SLX4IP: variants seen among roughly 807,000 people sequenced by gnomAD.
SLX4IP encodes protein SLX4IP.
SLX4IP carries 34 observed loss-of-function variants against 32.9 expected under a neutral mutation model. The observed-to-expected ratio is 1.03, with a 90% CI of 0.79 to 1.38. The LOEUF (loss-of-function observed/expected upper bound fraction) is 1.38. Ranked by LOEUF, SLX4IP falls within the 40% of genes most tolerant of loss-of-function variation. SLX4IP has a pLI of 0.00. For synonymous variants in SLX4IP, 172 were observed against 171.7 expected, an observed-to-expected ratio of 1.00 and a Z score of -0.01; for missense variants, 444 against 479.0, an observed-to-expected ratio of 0.93 and a Z score of 0.68.
At chr20:10,568,630 T>G (rs965141675) in intron 4 of SLX4IP, among the ~76,000 whole-genome samples, 14 of 152,254 alleles carry the variant, frequency 9.2e-5, no homozygotes, top group Non-Finnish European at 1.3e-4. Context: ...GCGGCAGATC[T>G]CTTTGATCTC....
intron 6 of SLX4IP, among the ~76,000 whole-genome samples, chr20:10,607,118 G>A (rs1413359102): frequency 6.6e-6 from 1 of 152,096 alleles, no homozygotes; most frequent in East Asian, 1.9e-4. Context: ...TTTTTATTCC[G>A]TGTAGTGACC....
chr20:10,498,457 C>A (rs1248088641), intron 2 of SLX4IP, among the ~76,000 whole-genome samples: 1 of 151,982 alleles, frequency 6.6e-6, no homozygotes, highest in Non-Finnish European at 1.5e-5. Flanking sequence ...CTCCTGTGCC[C>A]CTGCCAGTTC....
chr20:10,607,537 A>C (rs1294703068), intron 6 of SLX4IP, among the ~76,000 whole-genome samples: 1 of 152,098 alleles, frequency 6.6e-6, no homozygotes, highest in Non-Finnish European at 1.5e-5. Context: ...TCCCTTTCCA[A>C]TCAGTTAAGG....
intron 2 of SLX4IP, among the ~76,000 whole-genome samples, chr20:10,477,292 T>C (rs2122374511): frequency 6.6e-6 from 1 of 152,208 alleles, no homozygotes; most frequent in South Asian, 2.1e-4. Flanking sequence ...GTTACAGGTA[T>C]GCACCACCAC....
intron 5 of SLX4IP, among the ~76,000 whole-genome samples, chr20:10,599,886 G>A (rs138457651): frequency 2.6e-5 from 4 of 152,244 alleles, no homozygotes; most frequent in African/African-American, 7.2e-5. Context: ...GTTGCTTTCT[G>A]TTAATACCTG....
chr20:10,621,380 A>T lies in SLX4IP; in HGVS notation c.472A>T (p.Ser158Cys). ...AECAESSLPP[S>C]AKLRRNALKE... ...GTGTGCAGAGAGTTCACTTCCTCCC[A>T]GTGCAAAGCTCCGGAGAAATGCTCT... is the stretch of plus-strand genomic sequence containing the variant. The change falls in exon 7 of 8, where the codon AGT becomes TGT. Residue 158 changes from serine (S) to cysteine (C), a missense_variant. Transcript: ENST00000334534. 6.2e-7 allele frequency: 1 copy of T among 1,614,210 alleles called. No homozygotes were observed. The highest frequency in any genetic ancestry group is 8.5e-7 in the Non-Finnish European group (1 of 1,180,032).
intron 6 of SLX4IP, among the ~76,000 whole-genome samples, chr20:10,610,843 T>C (rs537747288): frequency 1.6e-4 from 25 of 152,348 alleles, no homozygotes; most frequent in Admixed American, 8.5e-4. Context: ...TTTGCCCTTT[T>C]TACTTAGTTA....
intron 2 of SLX4IP, among the ~76,000 whole-genome samples, chr20:10,527,880 A>C (rs2065952514): frequency 6.6e-6 from 1 of 152,070 alleles, no homozygotes; most frequent in African/African-American, 2.4e-5. Flanking sequence ...ACTCCTTTTC[A>C]TTTGCATTCC....
At chr20:10,438,432 C>T (rs1309058447) in intron 1 of SLX4IP, among the ~76,000 whole-genome samples, 1 of 150,552 alleles carries the variant, frequency 6.6e-6, no homozygotes, top group East Asian at 1.9e-4. Context: ...TCTGATCTAT[C>T]GCTGTAGATA....
At chr20:10,536,164 A>G (rs1394906117) in intron 2 of SLX4IP, among the ~76,000 whole-genome samples, 1 of 152,248 alleles carries the variant, frequency 6.6e-6, no homozygotes, top group South Asian at 2.1e-4. Context: ...TCTTTAACAC[A>G]CCTTCTTGTT....
chr20:10,521,406 CCT>C lies in SLX4IP; in HGVS notation c.28-34820_28-34819del, dbSNP rs538061020. 3.3e-5 allele frequency among the ~76,000 whole-genome samples: 5 copies of C among 152,262 alleles called. No homozygotes were observed. The East Asian group carries it at 9.7e-4, about 29-fold the overall frequency. ...GCTCTTCTTTTAGGAGCTCCCATCA[CCT>C]CTCTTCTCTCTACGTGGGTTCCTGT... On this transcript the variant is annotated intron_variant, in intron 2 of 7. Transcript: ENST00000334534.
chr20:10,567,326 A>G (rs189311663), intron 4 of SLX4IP, among the ~76,000 whole-genome samples: 41 of 152,330 alleles, frequency 2.7e-4, no homozygotes, highest in Non-Finnish European at 5.1e-4. Context: ...AGGTGGGGAA[A>G]GTATTTGCAT....
intron 2 of SLX4IP, among the ~76,000 whole-genome samples, chr20:10,466,862 AAAAAG>A (rs1425832379): frequency 6.6e-6 from 1 of 151,886 alleles, no homozygotes; most frequent in Non-Finnish European, 1.5e-5. Context: ...TTATTAAAAA[AAAAAG>A]AACTCCCTGC....
intron 2 of SLX4IP, among the ~76,000 whole-genome samples, chr20:10,509,206 G>A (rs2065784806): frequency 6.6e-6 from 1 of 152,158 alleles, no homozygotes; most frequent in African/African-American, 2.4e-5. Context: ...CAGCATTAGG[G>A]TACTCTGACT....
At chr20:10,530,188 C>T (rs2065976783) in intron 2 of SLX4IP, among the ~76,000 whole-genome samples, 1 of 152,204 alleles carries the variant, frequency 6.6e-6, no homozygotes, top group African/African-American at 2.4e-5. Context: ...GCGGTGCAGT[C>T]TCAGACGTAC....
intron 1 of SLX4IP, among the ~76,000 whole-genome samples, chr20:10,451,993 A>G (rs2065245990): frequency 6.6e-6 from 1 of 152,156 alleles, no homozygotes; most frequent in Non-Finnish European, 1.5e-5. Context: ...AATAAAATAG[A>G]TTATTCAAAT....
intron 2 of SLX4IP, among the ~76,000 whole-genome samples, chr20:10,490,749 G>A (rs1006590973): frequency 6.6e-6 from 1 of 152,084 alleles, no homozygotes; most frequent in African/African-American, 2.4e-5. Context: ...GACTTACAGT[G>A]TTTTTTTCAC....
rs1852247366 is a variant in SLX4IP at position 10,623,980 on chromosome 20, A to G, written c.*601A>G. Reference sequence around the variant, plus strand: ...CGCGTTTGAGAACCACTGGACTAATAGAACACTCCCCAGTGCTTCCTGCAG... The same window carrying G: ...CGCGTTTGAGAACCACTGGACTAATGGAACACTCCCCAGTGCTTCCTGCAG... On this transcript the variant is annotated 3_prime_UTR_variant, in exon 8 of 8. Coordinates refer to ENST00000334534, the MANE Select transcript of SLX4IP (RefSeq NM_001009608.3). 6.5e-6 allele frequency: 1 copy of G among 153,102 alleles called. No individual in the cohort carries two copies. The highest frequency in any genetic ancestry group is 6.5e-5 in the Admixed American group (1 of 15,424). 9.5% of individuals were successfully genotyped at this position (153,102 alleles called of 1,614,324 possible). A position where few individuals can be genotyped will look rare whatever the true frequency, so the allele number is the denominator to read the frequency against.
At chr20:10,502,698 A>G (rs1258144970) in intron 2 of SLX4IP, among the ~76,000 whole-genome samples, 2 of 150,250 alleles carry the variant, frequency 1.3e-5, no homozygotes, top group Non-Finnish European at 3.0e-5. Flanking sequence ...CCTCCCCAAA[A>G]TTTTCTGTCT....
Sources: allele counts gnomAD v4.1 joint callset (sites outside exome capture counted in the v4.1 genomes callset), GRCh38; gene constraint gnomAD v4.1.1; transcripts MANE v1.5; gene names NCBI Gene and HGNC (gene_info 2026-07-23, HGNC 2026-07-21).